MCC: variants seen among roughly 807,000 people sequenced by gnomAD.
MCC encodes MCC regulator of Wnt signaling pathway.
A neutral mutation model predicts 116.2 loss-of-function variants in MCC; 90 were observed. That is an observed-to-expected ratio of 0.77 (90% CI 0.65 to 0.92). MCC has a LOEUF of 0.92. Among genes scored for constraint, MCC ranks in the 40% least tolerant of loss-of-function variants. MCC has a pLI of 0.00. For synonymous variants in MCC, 578 were observed against 510.5 expected (o/e 1.13, Z -1.78); for missense variants, 1,516 against 1,312.2 (o/e 1.16, Z -2.40).
intron 3 of MCC, among the ~76,000 whole-genome samples, chr5:113,158,228 T>C (rs1036725151): frequency 6.6e-6 from 1 of 152,242 alleles, no homozygotes; most frequent in Non-Finnish European, 1.5e-5. Flanking sequence ...CTATTCTGTC[T>C]TTCTAGCTGA....
chr5:113,367,576 T>C (rs1340025821), intron 2 of MCC, among the ~76,000 whole-genome samples: 1 of 128,684 alleles, frequency 7.8e-6, no homozygotes, highest in Admixed American at 1.0e-4. Context: ...AAAAGAATTT[T>C]CCCAGACAAG....
At chr5:113,294,703 C>T (rs1766654763) in intron 3 of MCC, 2 of 1,020,008 alleles carry the variant, frequency 2.0e-6, no homozygotes, top group Non-Finnish European at 2.3e-6. Flanking sequence ...CAGTGCCACC[C>T]TGGGCGCCGC....
chr5:113,162,284 C>G (rs1037083734), intron 3 of MCC, among the ~76,000 whole-genome samples: 15 of 152,128 alleles, frequency 9.9e-5, no homozygotes, highest in African/African-American at 3.4e-4. Flanking sequence ...AGGACATAGG[C>G]TTTGTCAAAA....
At chr5:113,036,953 A>T (rs2150211029) in intron 17 of MCC, among the ~76,000 whole-genome samples, 1 of 152,260 alleles carries the variant, frequency 6.6e-6, no homozygotes, top group South Asian at 2.1e-4. Context: ...TGTCCTGCAG[A>T]CCCATGTGCT....
chr5:113,434,877 T>C lies in MCC; in HGVS notation c.171-49665A>G, dbSNP rs1197200032. The C allele has an allele frequency of 6.3e-7, 1 of 1,579,122 alleles. No individual in the cohort carries two copies. The highest frequency in any genetic ancestry group is 8.6e-7 in the Non-Finnish European group (1 of 1,160,968). The stretch of plus-strand genomic sequence containing the variant: ...GCCCAGTGCCTCTGAGGCTGCCCTC[T>C]ACAGCCCCGAGGCGCATGGGCCAGC... On this transcript the variant is annotated intron_variant, in intron 1 of 18. Coordinates refer to ENST00000408903, the MANE Select transcript of MCC (RefSeq NM_001085377.2). This position sits in a 1 kb window ranked among gnomAD's most constrained non-coding sequence, Gnocchi z 4.2.
intron 3 of MCC, among the ~76,000 whole-genome samples, chr5:113,259,168 T>C (rs1418353799): frequency 1.3e-5 from 2 of 152,180 alleles, no homozygotes; most frequent in African/African-American, 4.8e-5. Flanking sequence ...GCAAATCCCT[T>C]CTCTTAGAAA....
At chr5:113,172,237 A>C (rs141851142) in intron 3 of MCC, among the ~76,000 whole-genome samples, 75 of 152,344 alleles carry the variant, frequency 4.9e-4, no homozygotes, top group African/African-American at 1.7e-3. Context: ...GGTGACAGCA[A>C]TGTTTTTGTC....
chr5:113,318,053 A>C lies in MCC; in HGVS notation c.627+22466T>G, dbSNP rs563777739. On this transcript the variant is annotated intron_variant, in intron 3 of 18. Coordinates refer to ENST00000408903, the MANE Select transcript of MCC (RefSeq NM_001085377.2). ...AAGAGGTGGAGGTCAGAGGATTTCC[A>C]ATTATTGATATTGCACTGTAGGGAG... Among the ~76,000 whole-genome samples, 3 of 152,328 alleles carry C rather than the reference A, an allele frequency of 2.0e-5. No homozygotes were observed. In the South Asian group the frequency reaches 6.2e-4, roughly 32 times the overall value.
chr5:113,475,769 C>G (rs1023816930), intron 1 of MCC, among the ~76,000 whole-genome samples: 1 of 152,080 alleles, frequency 6.6e-6, no homozygotes, highest in Admixed American at 6.6e-5. Context: ...TGAAAAATCA[C>G]CCTCACCATA....
chr5:113,068,761 T>G (rs184776908), intron 12 of MCC, among the ~76,000 whole-genome samples: 1 of 152,228 alleles, frequency 6.6e-6, no homozygotes, highest in South Asian at 2.1e-4. Context: ...GACTAAGGCC[T>G]CCAGCCAACA....
chr5:113,139,420 C>T (rs193108810), intron 5 of MCC, among the ~76,000 whole-genome samples: 15 of 152,242 alleles, frequency 9.9e-5, no homozygotes, highest in African/African-American at 2.6e-4. Flanking sequence ...AAGTCGTCAT[C>T]GGTCCAACTG....
intron 17 of MCC, among the ~76,000 whole-genome samples, chr5:113,032,344 G>T (rs1411661081): frequency 6.7e-6 from 1 of 150,010 alleles, no homozygotes; most frequent in Non-Finnish European, 1.5e-5. Flanking sequence ...GGAGGTGGAG[G>T]TTGCAGTAAG....
intron 1 of MCC, chr5:113,433,492 C>T (rs1458298024): frequency 6.5e-6 from 4 of 616,054 alleles, no homozygotes; most frequent in Admixed American, 2.9e-5. Flanking sequence ...GCACCTGCTC[C>T]GGGTCACGCT....
chr5:113,117,846 C>T (rs1757482457), intron 6 of MCC, among the ~76,000 whole-genome samples: 1 of 152,208 alleles, frequency 6.6e-6, no homozygotes, highest in Admixed American at 6.5e-5. Flanking sequence ...TGAAGGGCCG[C>T]AAAATCTGAT....
In MCC at chr5:113,068,199, TG is replaced by T. The variant is rs1753760220; in HGVS notation, c.1926-17del. The stretch of plus-strand genomic sequence containing the variant: ...GCACTGCTCGCTGAAACAAAGCACA[TG>T]GGGCCTCAGCCCTTGCAGAGAACAG... On this transcript the variant is annotated splice_polypyrimidine_tract_variant and intron_variant, in intron 12 of 18. Coordinates refer to ENST00000408903, the MANE Select transcript of MCC (RefSeq NM_001085377.2). 3 of 1,602,334 alleles carry T rather than the reference TG, an allele frequency of 1.9e-6. No homozygotes were observed. Among genetic ancestry groups the T allele is most frequent in the African/African-American group, 2.7e-5 (2 of 74,678 alleles).
chr5:113,044,412 T>C (rs937585465), intron 16 of MCC: 1 of 828,516 alleles, frequency 1.2e-6, no homozygotes. Flanking sequence ...CTGAGTGCTC[T>C]ACATTCCATG....
chr5:113,467,546 T>TCTGTTTTGGTACCAGTACCACG (rs1771947006), intron 1 of MCC, among the ~76,000 whole-genome samples: 1 of 152,136 alleles, frequency 6.6e-6, no homozygotes, highest in Non-Finnish European at 1.5e-5. Flanking sequence ...GGTCTATATC[T>TCTGTTTTGGTACCAGTACCACG]CTGTTTTGGT....
intron 12 of MCC, 41 bp downstream of exon 12, chr5:113,071,053 T>C: frequency 6.3e-7 from 1 of 1,594,598 alleles, no homozygotes; most frequent in Non-Finnish European, 8.6e-7. Flanking sequence ...TGGATGCACT[T>C]CTACCCTGAA....
intron 3 of MCC, among the ~76,000 whole-genome samples, chr5:113,308,010 T>C (rs1767032576): frequency 6.6e-6 from 1 of 151,786 alleles, no homozygotes; most frequent in Non-Finnish European, 1.5e-5. Flanking sequence ...TGTTGCTCTG[T>C]CACCTAGGCT....
Sources: gnomAD v4.1 joint callset for allele counts (sites outside exome capture counted in the v4.1 genomes callset) on GRCh38, gnomAD v4.1.1 for gene constraint, Gnocchi (gnomAD v3.1) non-coding constraint, MANE v1.5 for transcripts, NCBI Gene and HGNC (gene_info 2026-07-23, HGNC 2026-07-21) for gene names.